Variants in ALDH6A1 observed in about 807,000 individuals in gnomAD.
ALDH6A1 encodes methylmalonate-semialdehyde/malonate-semialdehyde dehydrogenase [acylating], mitochondrial.
ALDH6A1 carries 43 observed loss-of-function variants against 62.6 expected under a neutral mutation model. That is an observed-to-expected ratio of 0.69 (90% CI 0.54 to 0.89). The LOEUF (loss-of-function observed/expected upper bound fraction) is 0.89. Among genes scored for constraint, ALDH6A1 ranks in the 40% least tolerant of loss-of-function variants. The pLI is 0.00. For synonymous variants in ALDH6A1, 194 were observed against 234.2 expected (o/e 0.83, Z 1.57); for missense variants, 551 against 661.3 (o/e 0.83, Z 1.83).
In ALDH6A1 at chr14:74,084,453, T is replaced by A; in HGVS notation, c.-59A>T. 1 of 1,596,122 alleles carries A rather than the reference T, an allele frequency of 6.3e-7. No individual in the cohort carries two copies. The highest frequency in any genetic ancestry group is 8.5e-7 in the Non-Finnish European group (1 of 1,173,110). On this transcript the variant is annotated 5_prime_UTR_variant, in exon 1 of 12. Transcript: ENST00000553458. ...CTCTACTGCCCAGAAGCACTACAGCTGCCAGGCCTCGCCCTCCATCCTGCC... is the reference window on the plus strand; with the variant it reads ...CTCTACTGCCCAGAAGCACTACAGCAGCCAGGCCTCGCCCTCCATCCTGCC...
rs746484688 is a variant in ALDH6A1 at position 74,060,768 on chromosome 14, TTAGCA to T, written c.1504-27_1504-23del. The T allele has an allele frequency of 3.3e-6, 5 of 1,518,614 alleles. No individual in the cohort carries two copies. The South Asian group carries it at 5.6e-5, about 17-fold the overall frequency. 94.1% of individuals were successfully genotyped at this position (1,518,614 alleles called of 1,614,324 possible). ...TGCCCTAAGGAAAACAGAAAAAAAG[TTAGCA>T]TATATTTCTGGGGTTTCATGATTCT... On this transcript the variant is annotated intron_variant, in intron 11 of 11. Transcript: ENST00000553458.
chr14:74,078,945 G>T (rs892158228), intron 1 of ALDH6A1, among the ~76,000 whole-genome samples: 1 of 151,782 alleles, frequency 6.6e-6, no homozygotes, highest in Non-Finnish European at 1.5e-5. Flanking sequence ...GATTACAGGG[G>T]TGAGCCACCC....
Position 74,060,729 on chromosome 14 carries a change from AGT to A in ALDH6A1, c.1519_1520del (p.Thr507SerfsTer68), listed in dbSNP as rs2060320237. The A allele has an allele frequency of 6.2e-7, 1 of 1,612,728 alleles. No homozygotes were observed. The highest frequency in any genetic ancestry group is 8.5e-7 in the Non-Finnish European group (1 of 1,178,874). ...FYGKQGIQFY[T>X]QLKTITSQWK... ...ACTGAGAAGTAATGGTCTTTAACTG[AGT>A]GTAGAATTGGATGCCCTAAGGAAAA... is the stretch of plus-strand genomic sequence containing the variant. On this transcript the variant is annotated frameshift_variant, in exon 12 of 12. Transcript: ENST00000553458. LOFTEE classifies it high-confidence loss of function.
intron 6 of ALDH6A1, among the ~76,000 whole-genome samples, chr14:74,069,940 T>A (rs1018945015): frequency 6.6e-6 from 1 of 151,294 alleles, no homozygotes; most frequent in Non-Finnish European, 1.5e-5. Flanking sequence ...CAACCTCTGT[T>A]TGCCAGGCTC....
In ALDH6A1 at chr14:74,068,768, A is replaced by T. The variant is rs188526190; in HGVS notation, c.852+92T>A. On this transcript the variant is annotated intron_variant, in intron 7 of 11. Transcript: ENST00000553458. ...AAAAAGAAAGAAACACTGACATTGG[A>T]GTGGGATGAGTGGCCTCTCTGCTGA... 3 of 1,411,242 alleles carry T rather than the reference A, an allele frequency of 2.1e-6. No individual in the cohort carries two copies. In the African/African-American group the frequency reaches 4.3e-5, roughly 20 times the overall value. 87.4% of individuals were successfully genotyped at this position (1,411,242 alleles called of 1,614,324 possible). A position where few individuals can be genotyped will look rare whatever the true frequency, so the allele number is the denominator to read the frequency against.
Position 74,067,274 on chromosome 14 carries a change from G to A in ALDH6A1, c.1042+106C>T, listed in dbSNP as rs1243704345. 3.1e-6 allele frequency: 4 copies of A among 1,297,364 alleles called. No individual in the cohort carries two copies. In the African/African-American group the frequency reaches 4.4e-5, roughly 14 times the overall value. The allele number at this position is 1,297,364 out of a possible 1,614,324, so 80.4% of individuals were successfully genotyped here. A position where few individuals can be genotyped will look rare whatever the true frequency, so the allele number is the denominator to read the frequency against. On this transcript the variant is annotated intron_variant, in intron 8 of 11. Transcript: ENST00000553458. The stretch of plus-strand genomic sequence containing the variant: ...AAGTACAGTATAAAGAGAGGAAATG[G>A]CAAGAATAGACATGATTGTTCCCAC...
intron 9 of ALDH6A1, 45 bp from the exon 10 acceptor site, chr14:74,065,405 T>C (rs1341266735): frequency 6.3e-7 from 1 of 1,579,770 alleles, no homozygotes; most frequent in African/African-American, 1.3e-5. Context: ...CTTTTTGGAT[T>C]CTGAGTATTT....
Position 74,060,730 on chromosome 14 carries a change from G to A in ALDH6A1, c.1520C>T (p.Thr507Ile), listed in dbSNP as rs1343948109. 1.9e-6 allele frequency: 3 copies of A among 1,612,440 alleles called. No individual in the cohort carries two copies. The Admixed American group carries it at 5.0e-5, about 27-fold the overall frequency. Residue 507 changes from threonine to isoleucine, a missense_variant, in exon 12 of 12, where the codon ACT (threonine) becomes ATT (isoleucine). Thr to Ile is a moderately conservative substitution (Grantham distance 89). Transcript: ENST00000553458. ...CTGAGAAGTAATGGTCTTTAACTGA[G>A]TGTAGAATTGGATGCCCTAAGGAAA... is the stretch of plus-strand genomic sequence containing the variant. ...FYGKQGIQFY[T>I]QLKTITSQWK...
chr14:74,066,538 A>T (rs2060468729), intron 9 of ALDH6A1, among the ~76,000 whole-genome samples, 167 bp downstream of exon 9: 1 of 152,236 alleles, frequency 6.6e-6, no homozygotes, highest in Middle Eastern at 3.4e-3. Flanking sequence ...TTTGGTTGGG[A>T]GTTAGAAGGA....
intron 9 of ALDH6A1, 47 bp downstream of exon 9, chr14:74,066,657 CT>C (rs1416475562): frequency 4.6e-6 from 7 of 1,536,742 alleles, no homozygotes; most frequent in Non-Finnish European, 5.4e-6. Flanking sequence ...ATTCTATAGC[CT>C]TTAAGGTGCC....
chr14:74,069,101 C>CTTTTTTTTTTTTTTTTTTTTTTTTTT (rs900873855), intron 6 of ALDH6A1, 120 bp from the exon 7 acceptor site: 1 of 383,114 alleles, frequency 2.6e-6, no homozygotes, highest in Non-Finnish European at 3.9e-6. Context: ...TTTACTTTTT[C>CTTTTTTTTTTTTTTTTTTTTTTTTTT]TTTTTTTTTT....
intron 11 of ALDH6A1, chr14:74,064,565 C>T: frequency 1.2e-6 from 1 of 860,592 alleles, no homozygotes; most frequent in African/African-American, 1.7e-5. Flanking sequence ...GTCACACACT[C>T]AGGAAATGGC....
chr14:74,079,735 T>A (rs1175050698), intron 1 of ALDH6A1, among the ~76,000 whole-genome samples: 1 of 152,108 alleles, frequency 6.6e-6, no homozygotes, highest in Non-Finnish European at 1.5e-5. Context: ...CCTGGCCTAA[T>A]TTTTTGTATT....
At chr14:74,077,279 C>T (rs1240038259) in intron 1 of ALDH6A1, among the ~76,000 whole-genome samples, 1 of 152,150 alleles carries the variant, frequency 6.6e-6, no homozygotes, top group East Asian at 1.9e-4. Context: ...TTAAGAGGCC[C>T]TTTTTTGTCC....
rs183066442 is a variant in ALDH6A1 at position 74,060,646 on chromosome 14, C to G, written c.1604G>C (p.Arg535Pro). The G allele has an allele frequency of 1.9e-5, 30 of 1,606,390 alleles. No homozygotes were observed. Among genetic ancestry groups the G allele is most frequent in the Non-Finnish European group, 2.6e-5 (30 of 1,173,098 alleles). ...SPAVVMPTMG[R>P] The stretch of plus-strand genomic sequence containing the variant: ...CAGTCTTAAACAAACTTGTTTCTAA[C>G]GGCCCATGGTAGGCATGACAACAGC... The change falls in exon 12 of 12, where the codon CGT becomes CCT. Residue 535 changes from arginine to proline, a missense_variant. By Grantham distance (103) the Arg-to-Pro change is moderately radical. Transcript: ENST00000553458.
chr14:74,067,000 G>T, intron 8 of ALDH6A1, 114 bp from the exon 9 acceptor site: 1 of 1,001,862 alleles, frequency 1.0e-6, no homozygotes, highest in Non-Finnish European at 1.5e-6. Flanking sequence ...AGGACTGCTT[G>T]AGCCCAGGAG....
Position 74,067,407 on chromosome 14 carries a change from G to A in ALDH6A1, c.1015C>T (p.His339Tyr). ...GCATTGACTCTCAGGTTTTTGGCAT[G>A]CTCCACCAGCTCTGGCAGCCACTTC... is the stretch of plus-strand genomic sequence containing the variant. Reference protein sequence around the residue: ...AKKWLPELVEHAKNLRVNAGD... With the variant: ...AKKWLPELVEYAKNLRVNAGD... Residue 339 changes from histidine (H) to tyrosine (Y), a missense_variant, in exon 8 of 12, where the codon CAT becomes TAT. Transcript: ENST00000553458. 1.2e-6 allele frequency: 2 copies of A among 1,613,760 alleles called. No individual in the cohort carries two copies. The highest frequency in any genetic ancestry group is 1.7e-6 in the Non-Finnish European group (2 of 1,180,048).
At chr14:74,062,044 C>T (rs2139736580) in intron 11 of ALDH6A1, among the ~76,000 whole-genome samples, 1 of 110,032 alleles carries the variant, frequency 9.1e-6, no homozygotes, top group African/African-American at 3.7e-5. Flanking sequence ...AACCTCGTCT[C>T]TACTGGGAAA....
chr14:74,073,989 ATTT>A (rs5809644), intron 2 of ALDH6A1, among the ~76,000 whole-genome samples: 62 of 144,572 alleles, frequency 4.3e-4, no homozygotes, highest in Non-Finnish European at 7.1e-4. Context: ...ACTTTAACTA[ATTT>A]TTTTTTTTTT....
Sources: gnomAD v4.1 joint callset for allele counts (sites outside exome capture counted in the v4.1 genomes callset) on GRCh38, gnomAD v4.1.1 for gene constraint, MANE v1.5 for transcripts, NCBI Gene and HGNC (gene_info 2026-07-23, HGNC 2026-07-21) for gene names.